The following NELL1 variants were observed in gnomAD, a reference collection of about 807,000 sequenced individuals.
The protein encoded by NELL1 is protein kinase C-binding protein NELL1.
In NELL1, 76 loss-of-function variants were observed where a neutral mutation model predicts 107.4. The observed-to-expected ratio is 0.71, with a 90% confidence interval of 0.59 to 0.86. The LOEUF (loss-of-function observed/expected upper bound fraction) is 0.86, where lower values mean the gene tolerates loss of function less well. Ranked by LOEUF, NELL1 falls within the 40% of genes least tolerant of loss-of-function variation. The pLI, the probability that NELL1 is intolerant of heterozygous loss-of-function variation, is 0.00. For missense variants in NELL1, 1,024 were observed against 1,005.5 expected (o/e 1.02, Z -0.25); for synonymous variants, 353 against 341.2 (o/e 1.03, Z -0.38).
intron 2 of NELL1, among the ~76,000 whole-genome samples, chr11:20,761,445 A>T (rs1319020478): frequency 6.6e-6 from 1 of 152,226 alleles, no homozygotes; most frequent in Non-Finnish European, 1.5e-5. Flanking sequence ...AAACTTATGA[A>T]AATACAACAT....
intron 15 of NELL1, among the ~76,000 whole-genome samples, chr11:21,397,269 CAT>C (rs1330518079): frequency 5.9e-5 from 9 of 151,518 alleles, no homozygotes; most frequent in South Asian, 4.1e-4. Flanking sequence ...TAATATATAA[CAT>C]GTGAAGACTG....
chr11:20,708,408 G>A lies in NELL1; in HGVS notation c.184+30348G>A, dbSNP rs541203581. ...GCAGTTGGAAATGCAGAAATCACCC[G>A]TCTTCTGGGTCACTCATGCTGGGAA... On this transcript the variant is annotated intron_variant, in intron 2 of 19. Coordinates refer to ENST00000357134, the MANE Select transcript of NELL1 (RefSeq NM_006157.5). Among the ~76,000 whole-genome samples, 59 of 152,260 alleles carry A rather than the reference G, an allele frequency of 3.9e-4. 1 individual carries two copies. Among genetic ancestry groups the A allele is most frequent in the Non-Finnish European group, 7.6e-4 (52 of 68,024 alleles).
intron 5 of NELL1, among the ~76,000 whole-genome samples, chr11:20,917,392 A>G (rs1850280882): frequency 6.6e-6 from 1 of 152,008 alleles, no homozygotes; most frequent in South Asian, 2.1e-4. Context: ...AAGCACATAT[A>G]TGTTAAATGT....
At chr11:21,089,940 G>C (rs945222838) in intron 12 of NELL1, among the ~76,000 whole-genome samples, 4 of 152,132 alleles carry the variant, frequency 2.6e-5, no homozygotes, top group Non-Finnish European at 5.9e-5. Context: ...TTAGGCTTTC[G>C]TATGGTGCTT....
chr11:20,712,018 TTCC>T (rs1855124920), intron 2 of NELL1, among the ~76,000 whole-genome samples: 1 of 152,172 alleles, frequency 6.6e-6, no homozygotes, highest in South Asian at 2.1e-4. Flanking sequence ...CAGTGAGGTT[TTCC>T]TCAATTATTC....
chr11:21,347,084 C>A (rs1201684790), intron 14 of NELL1, among the ~76,000 whole-genome samples: 1 of 152,124 alleles, frequency 6.6e-6, no homozygotes, highest in East Asian at 1.9e-4. Flanking sequence ...GAGACAAGTG[C>A]TGTGAGGGAA....
At chr11:21,230,813 A>AT (rs11448480) in intron 14 of NELL1, among the ~76,000 whole-genome samples, 110,450 of 151,440 alleles carry the variant, frequency 0.73, 40,244 homozygotes, top group Middle Eastern at 0.76. Flanking sequence ...GGTAAAACTC[A>AT]TTTTTTTTTA....
rs139251955 is a variant in NELL1 at position 20,733,830 on chromosome 11, G to A, written c.185-49850G>A. Among the ~76,000 whole-genome samples, 470 of 152,288 alleles carry A rather than the reference G, an allele frequency of 3.1e-3. 1 individual carries two copies. Among genetic ancestry groups the A allele is most frequent in the African/African-American group, 0.011 (450 of 41,560 alleles). The stretch of plus-strand genomic sequence containing the variant: ...TACTCTTTACTAGTTATTGTTTTAG[G>A]TGATGGGACTATAACAAGAAAAGGG... On this transcript the variant is annotated intron_variant, in intron 2 of 19. Coordinates refer to ENST00000357134, the MANE Select transcript of NELL1 (RefSeq NM_006157.5).
intron 2 of NELL1, among the ~76,000 whole-genome samples, chr11:20,750,862 A>G (rs1856117132): frequency 1.3e-5 from 2 of 152,202 alleles, no homozygotes. Flanking sequence ...TGTTGGGATT[A>G]CAGGCGTGAG....
chr11:20,675,530 AG>A (rs1365064988), intron 1 of NELL1, among the ~76,000 whole-genome samples: 1 of 152,192 alleles, frequency 6.6e-6, no homozygotes, highest in Non-Finnish European at 1.5e-5. Flanking sequence ...CTTGGGCGAC[AG>A]GGGTGCTTCC....
intron 15 of NELL1, among the ~76,000 whole-genome samples, chr11:21,511,965 T>C (rs1002083380): frequency 2.0e-5 from 3 of 152,172 alleles, no homozygotes; most frequent in African/African-American, 7.2e-5. Flanking sequence ...GAGGACATAA[T>C]TGGAATGAGC....
intron 14 of NELL1, among the ~76,000 whole-genome samples, chr11:21,318,873 C>A (rs530358614): frequency 3.3e-5 from 5 of 152,018 alleles, no homozygotes; most frequent in Non-Finnish European, 5.9e-5. Flanking sequence ...AAAATCCCGA[C>A]TCTAGTTCTT....
At chr11:21,293,922 G>A (rs1461064107) in intron 14 of NELL1, among the ~76,000 whole-genome samples, 11 of 152,090 alleles carry the variant, frequency 7.2e-5, no homozygotes, top group Admixed American at 7.2e-4. Flanking sequence ...ACACACTGAA[G>A]CTTCTTGGAG....
chr11:21,025,953 T>A (rs1264926853), intron 12 of NELL1, among the ~76,000 whole-genome samples: 1 of 152,162 alleles, frequency 6.6e-6, no homozygotes, highest in Admixed American at 6.6e-5. Flanking sequence ...TTTCTTCCAT[T>A]GCAATTTCAA....
intron 14 of NELL1, among the ~76,000 whole-genome samples, chr11:21,278,438 G>A (rs867164297): frequency 6.6e-6 from 1 of 152,042 alleles, no homozygotes; most frequent in Non-Finnish European, 1.5e-5. Context: ...AGTGACTATA[G>A]CATAGTGGCA....
chr11:21,172,829 T>G (rs1475935824), intron 13 of NELL1, among the ~76,000 whole-genome samples: 1 of 151,752 alleles, frequency 6.6e-6, no homozygotes, highest in African/African-American at 2.4e-5. Flanking sequence ...CCTAGATATT[T>G]TGGGTAAAGA....
At chr11:20,917,777 A>C (rs1335610115) in intron 5 of NELL1, among the ~76,000 whole-genome samples, 1 of 151,990 alleles carries the variant, frequency 6.6e-6, no homozygotes. Flanking sequence ...CCTTCGCTAA[A>C]TGAATCAGTA....
intron 15 of NELL1, among the ~76,000 whole-genome samples, chr11:21,456,925 T>C (rs1332429296): frequency 6.6e-6 from 1 of 152,152 alleles, no homozygotes; most frequent in Non-Finnish European, 1.5e-5. Flanking sequence ...CACTTTTAAT[T>C]TGATATGTTG....
chr11:21,297,369 T>C (rs1849397154), intron 14 of NELL1, among the ~76,000 whole-genome samples: 1 of 152,032 alleles, frequency 6.6e-6, no homozygotes, highest in South Asian at 2.1e-4. Flanking sequence ...TTATAAAACA[T>C]GTAATTTCTG....
Sources: gnomAD v4.1 joint callset for allele counts (sites outside exome capture counted in the v4.1 genomes callset) on GRCh38, gnomAD v4.1.1 for gene constraint, MANE v1.5 for transcripts, NCBI Gene and HGNC (gene_info 2026-07-23, HGNC 2026-07-21) for gene names.